The following SMARCC1 variants were observed in gnomAD, a reference collection of about 807,000 sequenced individuals.
SMARCC1 encodes the protein SWI/SNF complex subunit SMARCC1.
In SMARCC1, 43 loss-of-function variants were observed where a neutral mutation model predicts 147.4. That is an observed-to-expected ratio of 0.29 (90% CI 0.23 to 0.38). SMARCC1 has a LOEUF of 0.38. SMARCC1 is among the 10% of genes least tolerant of loss of function. The pLI is 1.00. For synonymous variants in SMARCC1, 495 were observed against 484.4 expected (o/e 1.02, Z -0.29); for missense variants, 1,119 against 1,381.1 (o/e 0.81, Z 3.01).
chr3:47,658,025 CG>C (rs1159633167), intron 21 of SMARCC1, among the ~76,000 whole-genome samples: 1 of 151,258 alleles, frequency 6.6e-6, no homozygotes, highest in Non-Finnish European at 1.5e-5. Flanking sequence ...GAAAAAATGA[CG>C]ATTAGAGTGG....
intron 1 of SMARCC1, among the ~76,000 whole-genome samples, chr3:47,776,111 G>A (rs376213184): frequency 8.1e-4 from 123 of 152,052 alleles, no homozygotes; most frequent in African/African-American, 2.9e-3. Flanking sequence ...GTGCGCCACT[G>A]CACTCAAGCC....
At chr3:47,697,103 T>C (rs1360042104) in intron 11 of SMARCC1, among the ~76,000 whole-genome samples, 1 of 152,142 alleles carries the variant, frequency 6.6e-6, no homozygotes, top group Non-Finnish European at 1.5e-5. Flanking sequence ...GGTAGATTGC[T>C]TGAGCTCAGG....
chr3:47,626,929 G>C (rs1353000336), intron 24 of SMARCC1, among the ~76,000 whole-genome samples: 5 of 152,134 alleles, frequency 3.3e-5, no homozygotes, highest in Admixed American at 3.3e-4. Flanking sequence ...CAAGGACTAG[G>C]ATTCTAATGA....
intron 2 of SMARCC1, among the ~76,000 whole-genome samples, chr3:47,769,090 A>G (rs2034875284): frequency 6.6e-6 from 1 of 151,116 alleles, no homozygotes; most frequent in Admixed American, 6.6e-5. Context: ...AGGCACCTGT[A>G]GTCCCAGCTA....
intron 11 of SMARCC1, among the ~76,000 whole-genome samples, chr3:47,700,617 C>G (rs534788565): frequency 6.6e-6 from 1 of 152,264 alleles, no homozygotes; most frequent in South Asian, 2.1e-4. Context: ...CTCCTGCAAC[C>G]TCCTTCAAGT....
rs189612087 is a variant in SMARCC1, at chr3:47,766,715, G to A, written c.315+6102C>T. On this transcript the variant is annotated intron_variant, in intron 2 of 27. Coordinates refer to ENST00000254480, the MANE Select transcript of SMARCC1 (RefSeq NM_003074.4). Reference sequence around the variant, plus strand: ...AAGGTAAAATATATTTTTCTTTTTTGTTTTATACCCACATCTTCTTAGCAA... The same window carrying A: ...AAGGTAAAATATATTTTTCTTTTTTATTTTATACCCACATCTTCTTAGCAA... Among the ~76,000 whole-genome samples the A allele has an allele frequency of 4.4e-3, 668 of 152,092 alleles. 2 individuals carry two copies. The highest frequency in any genetic ancestry group is 0.02 in the Middle Eastern group (6 of 294).
At chr3:47,600,075 C>G (rs2032359491) in intron 26 of SMARCC1, among the ~76,000 whole-genome samples, 1 of 152,162 alleles carries the variant, frequency 6.6e-6, no homozygotes, top group Admixed American at 6.6e-5. Context: ...AAAAACCTTT[C>G]TTTTCATTTA....
At chr3:47,604,383 A>C (rs1163282981) in intron 26 of SMARCC1, 1 of 433,898 alleles carries the variant, frequency 2.3e-6, no homozygotes, top group Admixed American at 2.6e-5. Context: ...CATATATCAT[A>C]AAGTCGAGCC....
chr3:47,742,595 T>C (rs111733386), intron 3 of SMARCC1, among the ~76,000 whole-genome samples: 1,569 of 152,250 alleles, frequency 0.01, 30 homozygotes, highest in African/African-American at 0.035. Context: ...TAATCTCTCT[T>C]TCTGTTTTTG....
intron 6 of SMARCC1, among the ~76,000 whole-genome samples, chr3:47,723,314 ATTAGC>A (rs1246913654): frequency 6.6e-6 from 1 of 151,296 alleles, no homozygotes; most frequent in Non-Finnish European, 1.5e-5. Context: ...AATAATTGAA[ATTAGC>A]TTAGATAGAA....
At chr3:47,679,159 C>A (rs2033608878) in intron 15 of SMARCC1, among the ~76,000 whole-genome samples, 1 of 149,760 alleles carries the variant, frequency 6.7e-6, no homozygotes, top group South Asian at 2.1e-4. Context: ...AAAATGCAGG[C>A]AGCCAAGATC....
intron 14 of SMARCC1, among the ~76,000 whole-genome samples, chr3:47,682,495 G>T (rs1248278965): frequency 1.3e-5 from 2 of 151,956 alleles, no homozygotes; most frequent in African/African-American, 4.8e-5. Context: ...GGGCTCAAGC[G>T]ACCCACCAGC....
intron 26 of SMARCC1, among the ~76,000 whole-genome samples, chr3:47,605,270 A>G (rs1302462859): frequency 6.6e-6 from 1 of 152,244 alleles, no homozygotes; most frequent in African/African-American, 2.4e-5. Flanking sequence ...AGAAATGTAC[A>G]TATATGTCTT....
chr3:47,762,068 T>C (rs1298841525), intron 2 of SMARCC1, among the ~76,000 whole-genome samples: 2 of 152,116 alleles, frequency 1.3e-5, no homozygotes, highest in Non-Finnish European at 2.9e-5. Flanking sequence ...AGGCGTGAGC[T>C]ACCATGCCCA....
intron 10 of SMARCC1, among the ~76,000 whole-genome samples, chr3:47,705,057 C>T (rs192918942): frequency 1.4e-4 from 21 of 150,876 alleles, no homozygotes; most frequent in Non-Finnish European, 2.5e-4. Context: ...GGCACAGTGG[C>T]TCACGCCTGT....
In SMARCC1 at chr3:47,685,955, G is replaced by C. The variant is rs1037389863; in HGVS notation, c.1385+94C>G. 9.4e-6 allele frequency: 9 copies of C among 959,030 alleles called. No homozygotes were observed. In the African/African-American group the frequency reaches 1.3e-4, roughly 14 times the overall value. 59.4% of individuals were successfully genotyped at this position (959,030 alleles called of 1,614,324 possible). On this transcript the variant is annotated intron_variant, in intron 14 of 27. Coordinates refer to ENST00000254480, the MANE Select transcript of SMARCC1 (RefSeq NM_003074.4). The stretch of plus-strand genomic sequence containing the variant: ...TTCATCCAAAGTGATAGTAATTTCT[G>C]ATAAGGAACATGGGCAGAAAGGCAC...
intron 11 of SMARCC1, among the ~76,000 whole-genome samples, chr3:47,694,772 A>G (rs2033828210): frequency 6.6e-6 from 1 of 152,230 alleles, no homozygotes; most frequent in African/African-American, 2.4e-5. Flanking sequence ...AAGAACTTGC[A>G]TATTCTTAAG....
chr3:47,637,457 A>G (rs912915142), intron 22 of SMARCC1, among the ~76,000 whole-genome samples: 7 of 152,204 alleles, frequency 4.6e-5, no homozygotes, highest in African/African-American at 1.7e-4. Flanking sequence ...CATACCTGTA[A>G]TCCCAACACT....
chr3:47,693,726 G>A (rs1014929517), intron 11 of SMARCC1, among the ~76,000 whole-genome samples: 1 of 152,078 alleles, frequency 6.6e-6, no homozygotes, highest in Non-Finnish European at 1.5e-5. Context: ...GCAGTGGTGC[G>A]ATCATGGCTC....
Sources: allele counts gnomAD v4.1 joint callset (sites outside exome capture counted in the v4.1 genomes callset), GRCh38; gene constraint gnomAD v4.1.1; transcripts MANE v1.5; gene names NCBI Gene and HGNC (gene_info 2026-07-23, HGNC 2026-07-21).